Variants in TRIM36 observed in about 807,000 individuals in gnomAD.
The protein encoded by TRIM36 is tripartite motif containing 36.
TRIM36 carries 42 observed loss-of-function variants against 72.4 expected under a neutral mutation model. The observed-to-expected ratio is 0.58, with a 90% CI of 0.45 to 0.75. The LOEUF (loss-of-function observed/expected upper bound fraction) is 0.75, where lower values mean the gene tolerates loss of function less well. Ranked by LOEUF, TRIM36 falls within the 30% of genes least tolerant of loss-of-function variation. TRIM36 has a pLI of 0.00. For missense variants in TRIM36, 913 were observed against 857.1 expected (o/e 1.07, Z -0.81); for synonymous variants, 315 against 282.8 (o/e 1.11, Z -1.14).
upstream of TRIM36, among the ~76,000 whole-genome samples, chr5:115,172,918 T>C (rs977731858): frequency 6.6e-6 from 1 of 152,218 alleles, no homozygotes; most frequent in Non-Finnish European, 1.5e-5. Context: ...TTCACTCACA[T>C]TGTATTATCT....
At chr5:115,175,628 C>T (rs1755294678) in intron 1 of TRIM36, among the ~76,000 whole-genome samples, 1 of 151,764 alleles carries the variant, frequency 6.6e-6, no homozygotes, top group Non-Finnish European at 1.5e-5. Flanking sequence ...CATCCTTTTA[C>T]AAAGTAGTTT....
At position 115,125,027 on chromosome 5, in the gene TRIM36, TG is replaced by T. The variant is rs149001858; in HGVS notation, c.*1475del. 4,396 of 152,584 alleles carry T rather than the reference TG, an allele frequency of 0.029. 111 individuals carry two copies. Among genetic ancestry groups the T allele is most frequent in the Non-Finnish European group, 0.044 (2,980 of 67,934 alleles). The allele number at this position is 152,584 out of a possible 1,614,324, so 9.5% of individuals were successfully genotyped here. ...ATTCATAGATGGGAAATTAACAGCCTGCTAAACACTGAAGTTCTCCATGATA... is the reference window on the plus strand; with the variant it reads ...ATTCATAGATGGGAAATTAACAGCCTCTAAACACTGAAGTTCTCCATGATA... On this transcript the variant is annotated 3_prime_UTR_variant, in exon 10 of 10. Coordinates refer to ENST00000513154, the MANE Select transcript of TRIM36 (RefSeq NM_001300759.2).
chr5:115,179,289 G>T (rs1190035282), intron 1 of TRIM36, among the ~76,000 whole-genome samples: 1 of 152,186 alleles, frequency 6.6e-6, no homozygotes, highest in Non-Finnish European at 1.5e-5. Context: ...CGTCGTCGCG[G>T]GCGCCACCGA....
chr5:115,168,073 C>G (rs1754888175), intron 1 of TRIM36, among the ~76,000 whole-genome samples: 1 of 152,126 alleles, frequency 6.6e-6, no homozygotes, highest in Non-Finnish European at 1.5e-5. Flanking sequence ...ATGGGGGAAA[C>G]CACTCCCACG....
chr5:115,158,594 T>G (rs562706400), intron 2 of TRIM36, among the ~76,000 whole-genome samples: 22 of 152,234 alleles, frequency 1.4e-4, no homozygotes, highest in Non-Finnish European at 2.6e-4. Flanking sequence ...GGGCTTTTGC[T>G]GTTTGGCAGT....
chr5:115,144,080 T>A (rs1012415259), intron 4 of TRIM36, among the ~76,000 whole-genome samples: 1 of 152,046 alleles, frequency 6.6e-6, no homozygotes, highest in Non-Finnish European at 1.5e-5. Context: ...TTCACCGTGT[T>A]AGCCAGGATG....
At position 115,144,629 on chromosome 5, in the gene TRIM36, G is replaced by A; in HGVS notation, c.704C>T (p.Thr235Ile). 1 of 1,614,038 alleles carries A rather than the reference G, an allele frequency of 6.2e-7. No individual in the cohort carries two copies. Among genetic ancestry groups the A allele is most frequent in the Non-Finnish European group, 8.5e-7 (1 of 1,180,000 alleles). Residue 235 changes from threonine (T) to isoleucine (I), a missense_variant, in exon 4 of 10, where the codon ACC becomes ATC. By Grantham distance (89) the Thr-to-Ile change is moderately conservative. Transcript: ENST00000513154. ...LGGNHANHRVTTMSSAYKTLK... is the reference protein window; with the variant it reads ...LGGNHANHRVITMSSAYKTLK... ...GGTTTTGTAGGCACTGCTCATAGTG[G>A]TTACACGGTGGTTGGCATGATTACC...
intron 3 of TRIM36, among the ~76,000 whole-genome samples, chr5:115,144,951 A>G (rs1430665208): frequency 6.6e-6 from 1 of 152,200 alleles, no homozygotes; most frequent in African/African-American, 2.4e-5. Context: ...CAAATGATTA[A>G]TACGTAGATG....
chr5:115,139,757 A>G (rs1442823643), intron 5 of TRIM36, among the ~76,000 whole-genome samples: 1 of 152,266 alleles, frequency 6.6e-6, no homozygotes, highest in Non-Finnish European at 1.5e-5. Flanking sequence ...TCTTATTGAT[A>G]AGGCTACAGA....
chr5:115,136,977 T>C (rs1382343513), intron 7 of TRIM36, 23 bp downstream of exon 7: 1 of 1,544,754 alleles, frequency 6.5e-7, no homozygotes, highest in Non-Finnish European at 8.7e-7. Flanking sequence ...AAGAATGAGG[T>C]TTTTGCCTTC....
At chr5:115,127,406 CA>C (rs1752414968) in intron 9 of TRIM36, among the ~76,000 whole-genome samples, 1 of 152,098 alleles carries the variant, frequency 6.6e-6, no homozygotes, top group African/African-American at 2.4e-5. Flanking sequence ...ACTAAAAATC[CA>C]AAAATTAGCC....
intron 2 of TRIM36, among the ~76,000 whole-genome samples, chr5:115,153,286 C>G (rs1753991981): frequency 6.6e-6 from 1 of 152,054 alleles, no homozygotes; most frequent in African/African-American, 2.4e-5. Flanking sequence ...TTTAAAAAGA[C>G]AAAGAAGGAC....
intron 2 of TRIM36, chr5:115,149,566 T>G: frequency 1.2e-5 from 1 of 81,084 alleles, no homozygotes; most frequent in Non-Finnish European, 2.1e-5. Context: ...TCCTCAGAAA[T>G]TTGAAAAAAA....
intron 2 of TRIM36, among the ~76,000 whole-genome samples, chr5:115,157,819 T>A (rs1027372558): frequency 1.3e-5 from 2 of 152,150 alleles, no homozygotes; most frequent in African/African-American, 2.4e-5. Context: ...CACAGTGACC[T>A]CGATGAGACT....
chr5:115,167,030 C>G (rs530762273), intron 1 of TRIM36, among the ~76,000 whole-genome samples: 5 of 152,304 alleles, frequency 3.3e-5, no homozygotes, highest in Admixed American at 2.6e-4. Flanking sequence ...GGATCTGGGC[C>G]AGTAGTGAAA....
upstream of TRIM36, among the ~76,000 whole-genome samples, chr5:115,171,416 G>A (rs1296473302): frequency 6.6e-6 from 1 of 152,178 alleles, no homozygotes; most frequent in African/African-American, 2.4e-5. Context: ...CCTTCCCACA[G>A]GTTCTGAAAA....
intron 2 of TRIM36, among the ~76,000 whole-genome samples, chr5:115,155,209 G>T (rs2112877417): frequency 6.6e-6 from 1 of 151,650 alleles, no homozygotes; most frequent in East Asian, 1.9e-4. Flanking sequence ...TTAGCCAGGT[G>T]TGGTGGCGTG....
In TRIM36 at chr5:115,144,589, A is replaced by C. The variant is rs765099534; in HGVS notation, c.735+9T>G. 2 of 1,610,310 alleles carry C rather than the reference A, an allele frequency of 1.2e-6. No individual in the cohort carries two copies. The highest frequency in any genetic ancestry group is 1.7e-6 in the Non-Finnish European group (2 of 1,179,288). ...AGAATCAAAATTCTGTTCCAAAAAT[A>C]AGTCCTACCTTTAAGGTTTTGTAGG... On this transcript the variant is annotated intron_variant, in intron 4 of 9. Coordinates refer to ENST00000513154, the MANE Select transcript of TRIM36 (RefSeq NM_001300759.2).
At chr5:115,154,368 A>G (rs1245207679) in intron 2 of TRIM36, among the ~76,000 whole-genome samples, 1 of 149,672 alleles carries the variant, frequency 6.7e-6, no homozygotes, top group Non-Finnish European at 1.5e-5. Flanking sequence ...GAAACAAATG[A>G]AAAAAAAAAC....
Sources: gnomAD v4.1 joint callset for allele counts (sites outside exome capture counted in the v4.1 genomes callset) on GRCh38, gnomAD v4.1.1 for gene constraint, MANE v1.5 for transcripts, NCBI Gene and HGNC (gene_info 2026-07-23, HGNC 2026-07-21) for gene names.